The following HP1BP3 variants were observed in gnomAD, a reference collection of about 807,000 sequenced individuals.
The protein encoded by HP1BP3 is heterochromatin protein 1 binding protein 3.
Under a neutral mutation model 62.5 loss-of-function variants are expected in HP1BP3, and 12 were observed. The observed-to-expected ratio is 0.19, with a 90% CI of 0.12 to 0.31. The LOEUF (loss-of-function observed/expected upper bound fraction) is 0.31. Among genes scored for constraint, HP1BP3 ranks in the 10% least tolerant of loss-of-function variants. HP1BP3 has a pLI of 1.00. For synonymous variants in HP1BP3, 260 were observed against 237.8 expected (o/e 1.09, Z -0.86); for missense variants, 502 against 651.8 (o/e 0.77, Z 2.50).
chr1:20,758,272 A>G (rs1191838941), intron 8 of HP1BP3, among the ~76,000 whole-genome samples: 1 of 152,234 alleles, frequency 6.6e-6, no homozygotes, highest in Non-Finnish European at 1.5e-5. Flanking sequence ...CATTAGTTGA[A>G]CATTTACTAG....
rs2055608402 is a variant in HP1BP3 at position 20,750,016 on chromosome 1, T to C, written c.982-134A>G. On this transcript the variant is annotated intron_variant, in intron 9 of 12. Coordinates refer to ENST00000438032, the MANE Select transcript of HP1BP3 (RefSeq NM_001372052.1). ...TATGTTTTACAATAAATTGTCAGCT[T>C]AGGGACTTTCTCTTCCCATTCAACA... 7.6e-6 allele frequency: 11 copies of C among 1,441,282 alleles called. No individual in the cohort carries two copies. In the East Asian group the frequency reaches 2.8e-4, roughly 36 times the overall value. 89.3% of individuals were successfully genotyped at this position (1,441,282 alleles called of 1,614,324 possible).
rs1330232139 is a variant in HP1BP3, at chr1:20,773,497, G to A, written c.464C>T (p.Ser155Phe). 6.2e-7 allele frequency: 1 copy of A among 1,613,410 alleles called. No individual in the cohort carries two copies. The highest frequency in any genetic ancestry group is 1.7e-5 in the Admixed American group (1 of 59,954). The change falls in exon 5 of 13, where the codon TCT becomes TTT. Residue 155 changes from serine (S) to phenylalanine (F), a missense_variant. Coordinates refer to ENST00000438032, the MANE Select transcript of HP1BP3 (RefSeq NM_001372052.1). ...TGCATCCATCTTGGGACGTGGGGAA[G>A]AAGCCATCGGTGTTTGTTTCTGGGC... is the stretch of plus-strand genomic sequence containing the variant. ...ARAQKQTPMASSPRPKMDAIL... is the reference protein window; with the variant it reads ...ARAQKQTPMAFSPRPKMDAIL...
intron 11 of HP1BP3, 44 bp downstream of exon 11, chr1:20,747,500 T>C: frequency 2.5e-6 from 3 of 1,193,770 alleles, no homozygotes; most frequent in Non-Finnish European, 3.7e-6. Flanking sequence ...GTGTGTAACT[T>C]AGACTATAAA....
In HP1BP3 at chr1:20,742,554, T is replaced by C. The variant is rs1439986119; in HGVS notation, c.*2243A>G. ...TCCAAAACACATGAACTGGAGCTTG[T>C]ATTTAAAAAGGAAAATGATGGTGTT... On this transcript the variant is annotated 3_prime_UTR_variant, in exon 13 of 13. Transcript: ENST00000438032. 6.6e-6 allele frequency: 1 copy of C among 152,592 alleles called. No homozygotes were observed. Among genetic ancestry groups the C allele is most frequent in the Non-Finnish European group, 1.5e-5 (1 of 68,026 alleles). 9.5% of individuals were successfully genotyped at this position (152,592 alleles called of 1,614,324 possible). A position where few individuals can be genotyped will look rare whatever the true frequency, so the allele number is the denominator to read the frequency against.
chr1:20,761,783 A>T (rs1482018410), intron 8 of HP1BP3, among the ~76,000 whole-genome samples: 1 of 152,224 alleles, frequency 6.6e-6, no homozygotes, highest in Non-Finnish European at 1.5e-5. Context: ...GTAAAGCAGA[A>T]ATCCTTAGGA....
intron 4 of HP1BP3, chr1:20,775,763 A>G (rs1183370575): frequency 4.4e-6 from 2 of 451,984 alleles, no homozygotes; most frequent in Non-Finnish European, 7.8e-6. Context: ...GTACAGTAAC[A>G]TGCTGTACAG....
chr1:20,773,142 A>G (rs2057135169), intron 5 of HP1BP3, among the ~76,000 whole-genome samples: 1 of 152,226 alleles, frequency 6.6e-6, no homozygotes, highest in South Asian at 2.1e-4. Context: ...GTAGTCCTTA[A>G]ATGTTTGTTC....
intron 4 of HP1BP3, chr1:20,776,009 CAAA>C (rs67814500): frequency 3.2e-3 from 3,812 of 1,206,206 alleles, no homozygotes; most frequent in South Asian, 9.5e-3. Context: ...AGCTCTCCTG[CAAA>C]AAAAAAAAAA....
intron 5 of HP1BP3, among the ~76,000 whole-genome samples, chr1:20,771,738 C>T (rs1557664722): frequency 6.6e-6 from 1 of 152,066 alleles, no homozygotes; most frequent in African/African-American, 2.4e-5. Flanking sequence ...TTTTCAAATG[C>T]TTAAAATTTT....
intron 7 of HP1BP3, 93 bp from the exon 8 acceptor site, chr1:20,765,624 G>T: frequency 9.9e-7 from 1 of 1,009,570 alleles, no homozygotes; most frequent in Non-Finnish European, 1.5e-6. Flanking sequence ...TACCAAATTT[G>T]TCAATTTTAT....
intron 8 of HP1BP3, among the ~76,000 whole-genome samples, chr1:20,760,006 A>G (rs1042238985): frequency 1.3e-5 from 2 of 149,868 alleles, no homozygotes; most frequent in Admixed American, 1.3e-4. Flanking sequence ...CTCCTGCCTC[A>G]GCCTCCTGAG....
At chr1:20,773,840 C>T in intron 4 of HP1BP3, 1 of 351,190 alleles carries the variant, frequency 2.8e-6, no homozygotes, top group South Asian at 7.7e-5. Context: ...AAAGGAGTCA[C>T]ATAAATTAGC....
intron 2 of HP1BP3, 59 bp downstream of exon 2, chr1:20,780,286 C>T: frequency 1.6e-6 from 2 of 1,221,914 alleles, no homozygotes; most frequent in East Asian, 4.6e-5. Flanking sequence ...AAGGACCCAG[C>T]AGGGCCTGAA....
At chr1:20,747,506 A>G (rs763488312) in intron 11 of HP1BP3, 38 bp downstream of exon 11, 1 of 1,235,388 alleles carries the variant, frequency 8.1e-7, no homozygotes, top group East Asian at 2.3e-5. Flanking sequence ...AACTTAGACT[A>G]TAAATTTACA....
At chr1:20,769,817 G>A (rs1233593572) in intron 6 of HP1BP3, among the ~76,000 whole-genome samples, 3 of 152,168 alleles carry the variant, frequency 2.0e-5, no homozygotes, top group African/African-American at 7.2e-5. Context: ...CCAGGCAACT[G>A]GCACATAGGA....
chr1:20,779,966 C>T, intron 2 of HP1BP3, 55 bp from the exon 3 acceptor site: 1 of 1,421,794 alleles, frequency 7.0e-7, no homozygotes, highest in East Asian at 2.3e-5. Flanking sequence ...TCTTTTCTCT[C>T]TTTCTCAAAG....
rs761358816 is a variant in HP1BP3, at chr1:20,745,001, G to A, written c.1458C>T (p.Ala486=). Residue 486 remains alanine (A), a synonymous_variant, in exon 13 of 13, where the codon GCC becomes GCT. Coordinates refer to ENST00000438032, the MANE Select transcript of HP1BP3 (RefSeq NM_001372052.1). ...GCAAGGGCCTAGCTTTCCCCCGCTGGGCAGCTGAGACTTTAGGTGCAGGTT... is the reference window on the plus strand; with the variant it reads ...GCAAGGGCCTAGCTTTCCCCCGCTGAGCAGCTGAGACTTTAGGTGCAGGTT... ...GSKPAPKVSA[A]QRGKARPLPK... 5.6e-6 allele frequency: 9 copies of A among 1,614,132 alleles called. No homozygotes were observed. The highest frequency in any genetic ancestry group is 8.5e-7 in the Non-Finnish European group (1 of 1,180,036).
chr1:20,773,352 A>G (rs2057147949), intron 5 of HP1BP3, 99 bp downstream of exon 5: 4 of 965,074 alleles, frequency 4.1e-6, no homozygotes, highest in Non-Finnish European at 4.3e-6. Flanking sequence ...TAGGAAGCAG[A>G]ACAAGATTTA....
At chr1:20,750,985 T>C (rs1334304249) in intron 9 of HP1BP3, among the ~76,000 whole-genome samples, 1 of 151,708 alleles carries the variant, frequency 6.6e-6, no homozygotes, top group Non-Finnish European at 1.5e-5. Context: ...GTCTCGCTAA[T>C]TTTTTATTTT....
Sources: gnomAD v4.1 joint callset for allele counts (sites outside exome capture counted in the v4.1 genomes callset) on GRCh38, gnomAD v4.1.1 for gene constraint, MANE v1.5 for transcripts, NCBI Gene and HGNC (gene_info 2026-07-23, HGNC 2026-07-21) for gene names.